SYT15B: variants seen among roughly 807,000 people sequenced by gnomAD.
The protein encoded by SYT15B is synaptotagmin-15.
At chr10:47,751,307 A>T in the SYT15B span, 3 of 110,456 alleles carry the variant, frequency 2.7e-5, no homozygotes, top group Non-Finnish European at 1.8e-5. Flanking sequence ...AGGATTTTCC[A>T]TAGACAAGAT....
chr10:47,762,200 G>A, the SYT15B span, among the ~76,000 whole-genome samples: 1 of 151,796 alleles, frequency 6.6e-6, no homozygotes, highest in Admixed American at 6.6e-5. Context: ...TAGGGGAGTT[G>A]GTGCGACGCG....
chr10:47,757,968 C>G, the SYT15B span: 1 of 1,584,800 alleles, frequency 6.3e-7, no homozygotes, highest in African/African-American at 1.4e-5. Context: ...CGCCGGCAGT[C>G]CCCCACTAGG....
chr10:47,761,142 G>A, the SYT15B span, among the ~76,000 whole-genome samples: 354 of 149,732 alleles, frequency 2.4e-3, 1 homozygote, highest in African/African-American at 6.8e-3. Flanking sequence ...GTGGGATTTG[G>A]AGAAGGAACA....
At chr10:47,753,044 G>T in the SYT15B span, 1 of 146,624 alleles carries the variant, frequency 6.8e-6, no homozygotes, top group Non-Finnish European at 1.5e-5. Context: ...GGAGGTGGAG[G>T]GTGCAGTGAG....
the SYT15B span, among the ~76,000 whole-genome samples, chr10:47,755,550 C>T: frequency 1.3e-4 from 18 of 138,670 alleles, no homozygotes; most frequent in South Asian, 7.0e-4. Flanking sequence ...CCACCGTGCC[C>T]GGCCCTTTTT....
chr10:47,762,822 C>T, the SYT15B span: 6 of 1,345,438 alleles, frequency 4.5e-6, no homozygotes, highest in South Asian at 1.7e-5. Context: ...CCCAGCGCCC[C>T]GAGGCCGCAG....
At chr10:47,755,369 C>G in the SYT15B span, among the ~76,000 whole-genome samples, 1 of 152,198 alleles carries the variant, frequency 6.6e-6, no homozygotes, top group Non-Finnish European at 1.5e-5. Context: ...CATTCTCCTG[C>G]CTCAGCCTCC....
the SYT15B span, among the ~76,000 whole-genome samples, chr10:47,755,414 C>A: frequency 6.6e-6 from 1 of 152,204 alleles, no homozygotes; most frequent in Non-Finnish European, 1.5e-5. Context: ...AGCCACCACA[C>A]CCAGCTAATT....
At chr10:47,748,583 T>C in the SYT15B span, among the ~76,000 whole-genome samples, 3 of 152,168 alleles carry the variant, frequency 2.0e-5, no homozygotes, top group Admixed American at 6.5e-5. Flanking sequence ...TAGAGGCAGG[T>C]AGGAGGGACA....
the SYT15B span, among the ~76,000 whole-genome samples, chr10:47,755,555 CTTTTTTTTTTTTT>C: frequency 3.6e-5 from 3 of 82,988 alleles, no homozygotes; most frequent in South Asian, 4.5e-4. Flanking sequence ...GTGCCCGGCC[CTTTTTTTTTTTTT>C]TTTTTTTTTT....
the SYT15B span, among the ~76,000 whole-genome samples, chr10:47,748,651 C>T: frequency 6.6e-6 from 1 of 152,186 alleles, no homozygotes; most frequent in Non-Finnish European, 1.5e-5. Flanking sequence ...TTCCTGCCTC[C>T]CTCCTGTCGT....
chr10:47,750,361 TA>T, the SYT15B span, among the ~76,000 whole-genome samples: 4 of 135,346 alleles, frequency 3.0e-5, no homozygotes, highest in African/African-American at 1.1e-4. Flanking sequence ...TTACTTATTT[TA>T]TTTTTTTGTT....
At chr10:47,755,157 A>C in the SYT15B span, among the ~76,000 whole-genome samples, 1 of 151,320 alleles carries the variant, frequency 6.6e-6, no homozygotes, top group African/African-American at 2.4e-5. Flanking sequence ...GAATTTTACT[A>C]TGTTGGCCAG....
At chr10:47,750,450 CTTATT>C in the SYT15B span, among the ~76,000 whole-genome samples, 1 of 102,762 alleles carries the variant, frequency 9.7e-6, no homozygotes, top group Admixed American at 1.2e-4. Context: ...TATTTATTTA[CTTATT>C]TTATTTTTGG....
At chr10:47,749,090 C>A in the SYT15B span, among the ~76,000 whole-genome samples, 2 of 77,838 alleles carry the variant, frequency 2.6e-5, no homozygotes, top group African/African-American at 9.7e-5. Context: ...AAAGAATTAG[C>A]CAGGTATGGT....
chr10:47,747,153 G>C, the SYT15B span, among the ~76,000 whole-genome samples: 60 of 151,068 alleles, frequency 4.0e-4, no homozygotes, highest in Admixed American at 2.0e-3. Flanking sequence ...GCTGATTTTA[G>C]CTAAGAGGCC....
the SYT15B span, chr10:47,751,402 C>T: frequency 2.4e-5 from 2 of 83,346 alleles, no homozygotes; most frequent in Non-Finnish European, 4.8e-5. Context: ...TGCTCAGCCA[C>T]TGCAGTTTGG....
the SYT15B span, among the ~76,000 whole-genome samples, chr10:47,755,555 CTTTTTT>C: frequency 3.6e-5 from 3 of 82,986 alleles, no homozygotes; most frequent in Non-Finnish European, 6.7e-5. Flanking sequence ...GTGCCCGGCC[CTTTTTT>C]TTTTTTTTTT....
At chr10:47,756,613 C>A in the SYT15B span, among the ~76,000 whole-genome samples, 3 of 152,192 alleles carry the variant, frequency 2.0e-5, no homozygotes, top group African/African-American at 7.2e-5. Flanking sequence ...GTCAGAGTCA[C>A]AGTGGAAGGT....
Sources: gnomAD v4.1 joint callset for allele counts (sites outside exome capture counted in the v4.1 genomes callset) on GRCh38, gnomAD v4.1.1 for gene constraint, MANE v1.5 for transcripts, NCBI Gene and HGNC (gene_info 2026-07-23, HGNC 2026-07-21) for gene names.